The following ZNF544 variants were observed in gnomAD, a reference collection of about 807,000 sequenced individuals.
ZNF544 encodes the protein zinc finger protein AF020591.
In ZNF544, 10 loss-of-function variants were observed where a neutral mutation model predicts 13.5. The ratio of observed to expected loss-of-function variants is 0.74; its 90% CI spans 0.46 to 1.25. The LOEUF (loss-of-function observed/expected upper bound fraction) is 1.25, where lower values mean the gene tolerates loss of function less well. Among genes scored for constraint, ZNF544 ranks in the 50% most tolerant of loss-of-function variants. The probability of loss-of-function intolerance (pLI) is 0.00; values close to 1 mark genes in which losing one functional copy is unlikely to be tolerated. For missense variants in ZNF544, 896 were observed against 845.6 expected (o/e 1.06, Z -0.74); for synonymous variants, 323 against 300.5 (o/e 1.07, Z -0.77).
intron 3 of ZNF544, among the ~76,000 whole-genome samples, chr19:58,241,826 G>A (rs928584983): frequency 5.9e-5 from 9 of 152,040 alleles, no homozygotes; most frequent in Non-Finnish European, 1.2e-4. Flanking sequence ...GTATGTTGGT[G>A]CCTTGTCTGT....
intron 5 of ZNF544, among the ~76,000 whole-genome samples, chr19:58,274,197 A>G (rs997523451): frequency 6.6e-6 from 1 of 152,082 alleles, no homozygotes; most frequent in African/African-American, 2.4e-5. Flanking sequence ...TTCAAAATCT[A>G]TTCTATGTTA....
intron 3 of ZNF544, among the ~76,000 whole-genome samples, chr19:58,237,884 G>A (rs2042762782): frequency 6.6e-6 from 1 of 152,204 alleles, no homozygotes. Context: ...GTGTTGTGGG[G>A]CCGGGGAGCT....
rs757010891 is a variant in ZNF544 at position 58,261,158 on chromosome 19, C to T, written c.552C>T (p.Phe184=). Residue 184 remains phenylalanine, a synonymous_variant, in exon 7 of 7, where the codon TTC becomes TTT. Coordinates refer to ENST00000687789, the MANE Select transcript of ZNF544 (RefSeq NM_014480.4). ...CAACATTACCTACAAGTACAGGTTT[C>T]CCTAAGCCCAACTCACAAGTTAAAG... ...LPTTLPTSTG[F]PKPNSQVKEL... The T allele has an allele frequency of 1.2e-6, 2 of 1,614,166 alleles. No homozygotes were observed. The highest frequency in any genetic ancestry group is 1.1e-5 in the South Asian group (1 of 91,084).
intron 3 of ZNF544, among the ~76,000 whole-genome samples, chr19:58,243,425 T>G (rs1488546863): frequency 6.6e-6 from 1 of 150,766 alleles, no homozygotes; most frequent in African/African-American, 2.4e-5. Context: ...GCAGAAGATA[T>G]GAAGGGTTTG....
chr19:58,249,885 T>C (rs900564922), intron 6 of ZNF544, among the ~76,000 whole-genome samples: 10 of 152,280 alleles, frequency 6.6e-5, no homozygotes, highest in Admixed American at 4.6e-4. Context: ...TGGAAAAGCA[T>C]TGGTAATAGG....
downstream of ZNF544, chr19:58,267,676 T>TAC (rs2050096459): frequency 9.2e-6 from 1 of 108,934 alleles, no homozygotes; most frequent in Non-Finnish European, 1.8e-5. Context: ...AGACTCCATC[T>TAC]AAAAAAAAAA....
At chr19:58,259,393 G>A (rs2048396820) in intron 6 of ZNF544, 1 of 152,250 alleles carries the variant, frequency 6.6e-6, no homozygotes, top group South Asian at 2.1e-4. Context: ...CTAAGCACCA[G>A]TTAGGAGTCT....
At chr19:58,260,826 C>A in intron 6 of ZNF544, 25 bp from the exon 7 acceptor site, 2 of 1,538,650 alleles carry the variant, frequency 1.3e-6, no homozygotes, top group Admixed American at 2.0e-5. Flanking sequence ...TCTCCAGTAA[C>A]TTAGGCATTT....
chr19:58,276,831 A>G (rs1289021359), intron 6 of ZNF544, among the ~76,000 whole-genome samples: 2 of 152,246 alleles, frequency 1.3e-5, no homozygotes, highest in Non-Finnish European at 2.9e-5. Flanking sequence ...TTTGTGATTC[A>G]TGAATCTGGG....
At chr19:58,247,856 C>T (rs895608728) in intron 6 of ZNF544, among the ~76,000 whole-genome samples, 1 of 152,114 alleles carries the variant, frequency 6.6e-6, no homozygotes, top group Non-Finnish European at 1.5e-5. Flanking sequence ...GTGTCTCCTG[C>T]TGTTAACAAC....
rs2040733293 is a variant in ZNF544 at position 58,229,449 on chromosome 19, T to C, written c.-231-19T>C. On this transcript the variant is annotated intron_variant, in intron 1 of 6. Transcript: ENST00000687789. ...CTCCTTTTTCCTCCCTCAACTCATC[T>C]TCTGCGGCTTATCCACAGGTGGCAG... The C allele has an allele frequency of 6.6e-6, 1 of 152,280 alleles. No homozygotes were observed. Among genetic ancestry groups the C allele is most frequent in the African/African-American group, 2.4e-5 (1 of 41,444 alleles). 9.4% of individuals were successfully genotyped at this position (152,280 alleles called of 1,614,324 possible).
At position 58,244,035 on chromosome 19, in the gene ZNF544, T is replaced by G; in HGVS notation, c.12T>G (p.Arg4=). 6.2e-7 allele frequency: 1 copy of G among 1,608,452 alleles called. No individual in the cohort carries two copies. The highest frequency in any genetic ancestry group is 8.5e-7 in the Non-Finnish European group (1 of 1,177,268). MEA[R]SMLVPPQASV... ...GGTGCAGGGAGGAAATGGAAGCACG[T>G]TCTATGCTGGTTCCACCCCAGGTGA... is the stretch of plus-strand genomic sequence containing the variant. Residue 4 remains arginine (R), a synonymous_variant, in exon 4 of 7, where the codon CGT becomes CGG. Transcript: ENST00000687789.
chr19:58,242,313 G>A (rs2044062719), intron 3 of ZNF544: 1 of 981,612 alleles, frequency 1.0e-6, no homozygotes, highest in African/African-American at 1.8e-5. Context: ...GGAAAGGTGA[G>A]AACTGCCTAA....
rs534219334 is a variant in ZNF544 at position 58,253,041 on chromosome 19, A to G, written c.244+6247A>G. On this transcript the variant is annotated intron_variant, in intron 6 of 6. Coordinates refer to ENST00000687789, the MANE Select transcript of ZNF544 (RefSeq NM_014480.4). ...CACCATGTTGGCCAGGATGGGCTCG[A>G]TTTCCTGACCTTGTGATCCACCCAC... Among the ~76,000 whole-genome samples the G allele has an allele frequency of 6.2e-4, 95 of 152,298 alleles. 1 individual carries two copies. Among genetic ancestry groups the G allele is most frequent in the African/African-American group, 2.0e-3 (83 of 41,558 alleles).
chr19:58,252,929 C>T (rs893368779), intron 6 of ZNF544, among the ~76,000 whole-genome samples: 2 of 152,218 alleles, frequency 1.3e-5, no homozygotes, highest in African/African-American at 2.4e-5. Context: ...AAGCAATTCT[C>T]CAGCCTCAAC....
intron 6 of ZNF544, chr19:58,277,119 C>A: frequency 8.5e-7 from 1 of 1,180,098 alleles, no homozygotes; most frequent in Admixed American, 4.2e-5. Context: ...AGAGCAGGAG[C>A]TCAGTCCAAA....
intron 6 of ZNF544, among the ~76,000 whole-genome samples, chr19:58,254,450 G>T (rs2046852807): frequency 6.6e-6 from 1 of 152,166 alleles, no homozygotes; most frequent in Non-Finnish European, 1.5e-5. Flanking sequence ...TCCTATTATT[G>T]TCTGTAAGAG....
chr19:58,238,491 G>A (rs1253502398), intron 3 of ZNF544, among the ~76,000 whole-genome samples: 1 of 152,186 alleles, frequency 6.6e-6, no homozygotes, highest in Non-Finnish European at 1.5e-5. Context: ...TGGAAGACGG[G>A]GACACAGGGT....
At chr19:58,234,080 C>A (rs1893011975) in intron 3 of ZNF544, among the ~76,000 whole-genome samples, 1 of 152,168 alleles carries the variant, frequency 6.6e-6, no homozygotes, top group Admixed American at 6.5e-5. Context: ...ATAGCCACTT[C>A]TTCTCCTCAT....
Sources: gnomAD v4.1 joint callset for allele counts (sites outside exome capture counted in the v4.1 genomes callset) on GRCh38, gnomAD v4.1.1 for gene constraint, MANE v1.5 for transcripts, NCBI Gene and HGNC (gene_info 2026-07-23, HGNC 2026-07-21) for gene names.